Variants in KIAA1958 observed in about 807,000 individuals in gnomAD.
KIAA1958 encodes the protein uncharacterized protein KIAA1958.
In KIAA1958, 14 loss-of-function variants were observed where a neutral mutation model predicts 47.2. The observed-to-expected ratio is 0.30, with a 90% CI of 0.20 to 0.46. The LOEUF is 0.46. KIAA1958 is among the 20% of genes least tolerant of loss of function. The pLI is 1.00. For missense variants in KIAA1958, 803 were observed against 909.2 expected, an observed-to-expected ratio of 0.88 and a Z score of 1.50; for synonymous variants, 354 against 353.3, an observed-to-expected ratio of 1.00 and a Z score of -0.02.
rs1479295602 is a variant in KIAA1958, at chr9:112,574,627, C to T, written c.547C>T (p.His183Tyr). 1 of 1,614,070 alleles carries T rather than the reference C, an allele frequency of 6.2e-7. No individual in the cohort carries two copies. The highest frequency in any genetic ancestry group is 2.2e-5 in the East Asian group (1 of 44,884). Residue 183 changes from histidine (H) to tyrosine (Y), a missense_variant, in exon 2 of 4, where the codon CAT becomes TAT. Around this residue, in one of 2 missense-constraint regions of KIAA1958, gnomAD observed 761 missense variants for 829.3 expected, o/e 0.92. Coordinates refer to ENST00000337530, the MANE Select transcript of KIAA1958 (RefSeq NM_133465.4). Reference protein sequence around the residue: ...KRPGVVPSSLHSSSQTQMVDE... With the variant: ...KRPGVVPSSLYSSSQTQMVDE... The stretch of plus-strand genomic sequence containing the variant: ...ACCTGGGGTAGTCCCATCTTCCCTC[C>T]ATTCAAGCTCCCAGACGCAGATGGT...
At chr9:112,539,737 C>T (rs1834910218) in intron 1 of KIAA1958, among the ~76,000 whole-genome samples, 1 of 152,082 alleles carries the variant, frequency 6.6e-6, no homozygotes, top group African/African-American at 2.4e-5. Flanking sequence ...GTCACCGAGG[C>T]TGGAGTGCAG....
chr9:112,494,580 C>T lies in KIAA1958; in HGVS notation c.-25+7462C>T, dbSNP rs1834021325. Reference sequence around the variant, plus strand: ...ACGTCTCTGGCCTCAGGTGATCCTCCCAGTTTAGCCCCAAGTAGCTGGGAC... The same window carrying T: ...ACGTCTCTGGCCTCAGGTGATCCTCTCAGTTTAGCCCCAAGTAGCTGGGAC... On this transcript the variant is annotated intron_variant, in intron 1 of 3. Transcript: ENST00000337530. Among the ~76,000 whole-genome samples, 3 of 151,826 alleles carry T rather than the reference C, an allele frequency of 2.0e-5. No individual in the cohort carries two copies. In the South Asian group the frequency reaches 6.2e-4, roughly 32 times the overall value.
chr9:112,513,004 A>ATTTT (rs34446189), intron 1 of KIAA1958, among the ~76,000 whole-genome samples: 1 of 104,562 alleles, frequency 9.6e-6, no homozygotes, highest in Non-Finnish European at 1.8e-5. Flanking sequence ...TGCCCAGCTA[A>ATTTT]TTTTTTTTTT....
chr9:112,510,114 CAGTTATAAGTAA>C (rs1834299078), intron 1 of KIAA1958, among the ~76,000 whole-genome samples: 1 of 151,620 alleles, frequency 6.6e-6, no homozygotes, highest in African/African-American at 2.4e-5. Flanking sequence ...CTTGTAAGAT[CAGTTATAAGTAA>C]GGTAAGGGAG....
In KIAA1958 at chr9:112,645,700, TTGAA is replaced by T; in HGVS notation, c.1226_1229del (p.Asn409IlefsTer7). ...TCCTGTATTTAATATTAATGATGAC[TTGAA>T]TGATCTGTGTACCAGTGCAGTAAGC... On this transcript the variant is annotated frameshift_variant, in exon 3 of 4. Transcript: ENST00000337530. LOFTEE classifies it high-confidence loss of function. The T allele has an allele frequency of 1.2e-6, 2 of 1,613,016 alleles. No homozygotes were observed.
intron 1 of KIAA1958, among the ~76,000 whole-genome samples, chr9:112,549,418 T>A (rs1706310123): frequency 6.6e-6 from 1 of 152,254 alleles, no homozygotes; most frequent in African/African-American, 2.4e-5. Flanking sequence ...ATGAAAGTGT[T>A]TGCTGTTTTC....
Position 112,647,151 on chromosome 9 carries a change from A to G in KIAA1958, c.1344+1329A>G, listed in dbSNP as rs533291086. On this transcript the variant is annotated intron_variant, in intron 3 of 3. Transcript: ENST00000337530. ...GGGCCTTTCTACTGTACTTGAAGAC[A>G]GGGAAACATCCATGGGACCAAAAAA... Among the ~76,000 whole-genome samples, 5 of 152,180 alleles carry G rather than the reference A, an allele frequency of 3.3e-5. No homozygotes were observed. In the East Asian group the frequency reaches 7.7e-4, roughly 24 times the overall value.
intron 1 of KIAA1958, among the ~76,000 whole-genome samples, chr9:112,558,000 G>C (rs919848748): frequency 6.6e-6 from 1 of 152,158 alleles, no homozygotes; most frequent in South Asian, 2.1e-4. Context: ...GCCGAGGCGG[G>C]TGGATCACGA....
intron 1 of KIAA1958, among the ~76,000 whole-genome samples, chr9:112,559,804 TTGAG>T (rs1237501859): frequency 1.3e-5 from 2 of 152,200 alleles, no homozygotes; most frequent in East Asian, 1.9e-4. Flanking sequence ...CTATACTTCT[TTGAG>T]TGGGCTGTAA....
intron 1 of KIAA1958, among the ~76,000 whole-genome samples, chr9:112,493,993 C>A (rs890190223): frequency 6.6e-6 from 1 of 152,204 alleles, no homozygotes; most frequent in African/African-American, 2.4e-5. Flanking sequence ...ATGAACTAGC[C>A]TGACTGTTCC....
chr9:112,626,321 T>C (rs1836608629), intron 2 of KIAA1958, among the ~76,000 whole-genome samples: 1 of 152,200 alleles, frequency 6.6e-6, no homozygotes, highest in South Asian at 2.1e-4. Context: ...ATTTACCAGA[T>C]CATAGTTGAA....
Position 112,598,459 on chromosome 9 carries a change from TA to T in KIAA1958, c.1171+23209del, listed in dbSNP as rs540674852. ...ACAAACTGGGAATCCAGAAAGCTCA[TA>T]CACTCAGGCTGCTGTGTGGAGAACA... On this transcript the variant is annotated intron_variant, in intron 2 of 3. Transcript: ENST00000337530. 1.7e-4 allele frequency among the ~76,000 whole-genome samples: 26 copies of T among 152,318 alleles called. No homozygotes were observed. The East Asian group carries it at 4.0e-3, about 24-fold the overall frequency.
intron 1 of KIAA1958, among the ~76,000 whole-genome samples, chr9:112,542,048 G>C (rs1029977185): frequency 6.6e-6 from 1 of 152,126 alleles, no homozygotes; most frequent in Non-Finnish European, 1.5e-5. Context: ...TTACTAGATG[G>C]GTTAGTTGCC....
At chr9:112,635,819 A>G (rs1395743049) in intron 2 of KIAA1958, among the ~76,000 whole-genome samples, 1 of 151,832 alleles carries the variant, frequency 6.6e-6, no homozygotes, top group Admixed American at 6.6e-5. Flanking sequence ...CGTCTCTTAC[A>G]TTACTTTTTA....
chr9:112,592,189 G>A (rs1191163280), intron 2 of KIAA1958, among the ~76,000 whole-genome samples: 2 of 152,164 alleles, frequency 1.3e-5, no homozygotes, highest in Non-Finnish European at 2.9e-5. Flanking sequence ...GCTTTACGAG[G>A]AAGTTAAGTT....
intron 2 of KIAA1958, among the ~76,000 whole-genome samples, chr9:112,610,985 T>C (rs1431665447): frequency 6.6e-6 from 1 of 152,200 alleles, no homozygotes; most frequent in Non-Finnish European, 1.5e-5. Flanking sequence ...ATCTTCTCCA[T>C]AGATGCTGAA....
At position 112,621,396 on chromosome 9, in the gene KIAA1958, A is replaced by G. The variant is rs1014713669; in HGVS notation, c.1172-24254A>G. Among the ~76,000 whole-genome samples the G allele has an allele frequency of 3.3e-5, 5 of 152,218 alleles. No homozygotes were observed. In the East Asian group the frequency reaches 7.7e-4, roughly 23 times the overall value. ...TAAAACACTTAAAATGTTATGGTGC[A>G]TTTAATTTTTAATTGACGTAGTTTC... On this transcript the variant is annotated intron_variant, in intron 2 of 3. Coordinates refer to ENST00000337530, the MANE Select transcript of KIAA1958 (RefSeq NM_133465.4).
At chr9:112,630,371 A>G (rs1836688860) in intron 2 of KIAA1958, among the ~76,000 whole-genome samples, 1 of 152,250 alleles carries the variant, frequency 6.6e-6, no homozygotes, top group Admixed American at 6.5e-5. Flanking sequence ...GCGGCCGGGC[A>G]CAGTGGCAAA....
At chr9:112,625,029 C>A (rs1298398436) in intron 2 of KIAA1958, among the ~76,000 whole-genome samples, 1 of 11,972 alleles carries the variant, frequency 8.4e-5, no homozygotes, top group African/African-American at 1.0e-3. Context: ...TTCCTACCCC[C>A]TCCCCTCCTT....
Sources: allele counts gnomAD v4.1 joint callset (sites outside exome capture counted in the v4.1 genomes callset), GRCh38; gene constraint gnomAD v4.1.1; regional missense constraint gnomAD v4.1.1; transcripts MANE v1.5; gene names NCBI Gene and HGNC (gene_info 2026-07-23, HGNC 2026-07-21).